The following SPHKAP variants were observed in gnomAD, a reference collection of about 807,000 sequenced individuals.
SPHKAP encodes SPHK1 interactor, AKAP domain containing.
SPHKAP carries 67 observed loss-of-function variants against 137.5 expected under a neutral mutation model. That is an observed-to-expected ratio of 0.49 (90% CI 0.40 to 0.60). SPHKAP has a LOEUF of 0.60. SPHKAP is among the 20% of genes least tolerant of loss of function. The pLI is 0.00. For synonymous variants in SPHKAP, 813 were observed against 785.3 expected, an observed-to-expected ratio of 1.04 and a Z score of -0.59; for missense variants, 2,097 against 2,069.3, an observed-to-expected ratio of 1.01 and a Z score of -0.26.
intron 7 of SPHKAP, among the ~76,000 whole-genome samples, chr2:228,014,937 T>TAA (rs1559346186): frequency 1.1e-4 from 16 of 152,190 alleles, no homozygotes; most frequent in African/African-American, 3.4e-4. Context: ...ATTATTATCA[T>TAA]ACTTTAAGTT....
In SPHKAP at chr2:228,082,732, T is replaced by C. The variant is rs551265700; in HGVS notation, c.246+26100A>G. On this transcript the variant is annotated intron_variant, in intron 3 of 11. Transcript: ENST00000392056. ...TCTTGGCTCCACTATTTACTAGCTGTATGACTCAGTTGCATCATTCAAGTT... is the reference window on the plus strand; with the variant it reads ...TCTTGGCTCCACTATTTACTAGCTGCATGACTCAGTTGCATCATTCAAGTT... 3.3e-5 allele frequency among the ~76,000 whole-genome samples: 5 copies of C among 152,362 alleles called. No homozygotes were observed. In the South Asian group the frequency reaches 8.3e-4, roughly 25 times the overall value.
At chr2:228,152,726 T>A (rs557446339) in intron 1 of SPHKAP, among the ~76,000 whole-genome samples, 2 of 152,104 alleles carry the variant, frequency 1.3e-5, no homozygotes, top group South Asian at 4.2e-4. Context: ...CTTCTTTTTT[T>A]TTTTTAGTAG....
intron 1 of SPHKAP, among the ~76,000 whole-genome samples, chr2:228,146,397 C>G (rs549353552): frequency 4.4e-4 from 67 of 152,294 alleles, no homozygotes; most frequent in African/African-American, 1.6e-3. Flanking sequence ...TAAAAATCCT[C>G]TAGCAAGCTA....
At chr2:228,109,015 T>TC (rs1698432783) in intron 2 of SPHKAP, 76 bp from the exon 3 acceptor site, 1 of 1,020,826 alleles carries the variant, frequency 9.8e-7, no homozygotes, top group African/African-American at 1.7e-5. Context: ...CTCTTTTTTT[T>TC]TTTTCTTATA....
chr2:228,134,804 C>G (rs954876315), intron 1 of SPHKAP, among the ~76,000 whole-genome samples: 68 of 152,274 alleles, frequency 4.5e-4, no homozygotes, highest in African/African-American at 1.5e-3. Context: ...CCAGGCAGCT[C>G]TGATGGGCTA....
chr2:228,107,252 A>G (rs576684807), intron 3 of SPHKAP, among the ~76,000 whole-genome samples: 2 of 152,222 alleles, frequency 1.3e-5, no homozygotes, highest in South Asian at 4.1e-4. Flanking sequence ...TGAATCCATT[A>G]TCTCAGCCCC....
chr2:228,020,243 A>G, intron 6 of SPHKAP, 87 bp from the exon 7 acceptor site: 1 of 1,496,374 alleles, frequency 6.7e-7, no homozygotes, highest in Non-Finnish European at 8.8e-7. Flanking sequence ...CTAAAAATAA[A>G]ACATCAATAA....
intron 3 of SPHKAP, among the ~76,000 whole-genome samples, chr2:228,040,286 C>T (rs920034539): frequency 6.6e-6 from 1 of 152,128 alleles, no homozygotes; most frequent in Admixed American, 6.6e-5. Flanking sequence ...ATTCACAAAG[C>T]GTCTAAAGAA....
chr2:227,996,843 T>C (rs1466423189), intron 7 of SPHKAP, among the ~76,000 whole-genome samples: 1 of 152,220 alleles, frequency 6.6e-6, no homozygotes, highest in Non-Finnish European at 1.5e-5. Flanking sequence ...TTACTTTTAA[T>C]GGCAAAACCC....
chr2:228,028,810 C>T (rs1695165429), intron 3 of SPHKAP, among the ~76,000 whole-genome samples: 1 of 152,128 alleles, frequency 6.6e-6, no homozygotes, highest in Admixed American at 6.5e-5. Context: ...CATAACATGT[C>T]CCTAACAGTA....
rs1198852312 is a variant in SPHKAP at position 228,131,995 on chromosome 2, G to A, written c.123C>T (p.Ile41=). The change falls in exon 2 of 12, where the codon ATC becomes ATT. Residue 41 remains isoleucine, a synonymous_variant. Transcript: ENST00000392056. The part of the protein sequence containing the change: ...GSSGSGPGNS[I]TACKKVLRSN... ...GCAAGGTTACCTTCTTACAGGCTGTGATGGAGTTCCCCGGGCCGCTTCCTG... is the reference window on the plus strand; with the variant it reads ...GCAAGGTTACCTTCTTACAGGCTGTAATGGAGTTCCCCGGGCCGCTTCCTG... The A allele has an allele frequency of 6.2e-7, 1 of 1,614,022 alleles. No homozygotes were observed. The highest frequency in any genetic ancestry group is 2.2e-5 in the East Asian group (1 of 44,862).
intron 3 of SPHKAP, among the ~76,000 whole-genome samples, chr2:228,031,566 C>T (rs575091891): frequency 6.6e-6 from 1 of 152,348 alleles, no homozygotes; most frequent in South Asian, 2.1e-4. Flanking sequence ...GGCAGACTGC[C>T]TCCTTAAGCG....
intron 3 of SPHKAP, among the ~76,000 whole-genome samples, chr2:228,060,405 A>C (rs977057942): frequency 1.3e-5 from 2 of 152,174 alleles, no homozygotes; most frequent in South Asian, 4.1e-4. Flanking sequence ...TTTTTCCCAT[A>C]ATTGCAATAA....
intron 2 of SPHKAP, 133 bp downstream of exon 2, chr2:228,131,847 G>A: frequency 1.4e-6 from 2 of 1,411,500 alleles, no homozygotes; most frequent in East Asian, 2.5e-5. Context: ...GCTTACTTGG[G>A]AAAGCAAACC....
chr2:228,011,054 C>T (rs1392486701), intron 7 of SPHKAP, among the ~76,000 whole-genome samples: 1 of 152,186 alleles, frequency 6.6e-6, no homozygotes, highest in Non-Finnish European at 1.5e-5. Context: ...CTGCCAAGCT[C>T]TCACAGGGTT....
chr2:228,075,637 A>G (rs915772182), intron 3 of SPHKAP, among the ~76,000 whole-genome samples: 2 of 152,210 alleles, frequency 1.3e-5, no homozygotes, highest in African/African-American at 4.8e-5. Flanking sequence ...ATCATTCTTG[A>G]AAATGATGCC....
At chr2:228,166,432 G>T (rs562975253) in intron 1 of SPHKAP, among the ~76,000 whole-genome samples, 1 of 151,894 alleles carries the variant, frequency 6.6e-6, no homozygotes, top group Admixed American at 6.6e-5. Context: ...AGTTTTATGC[G>T]CCCACACATA....
chr2:228,154,316 T>C (rs1438146001), intron 1 of SPHKAP, among the ~76,000 whole-genome samples: 2 of 151,568 alleles, frequency 1.3e-5, no homozygotes, highest in Non-Finnish European at 2.9e-5. Flanking sequence ...TAAAACATTC[T>C]TAACTTGTAA....
intron 3 of SPHKAP, among the ~76,000 whole-genome samples, chr2:228,061,627 G>C (rs1164701616): frequency 6.6e-6 from 1 of 151,666 alleles, no homozygotes; most frequent in Non-Finnish European, 1.5e-5. Context: ...ACCCATTACT[G>C]GGTAAATAGA....
Sources: gnomAD v4.1 joint callset for allele counts (sites outside exome capture counted in the v4.1 genomes callset) on GRCh38, gnomAD v4.1.1 for gene constraint, MANE v1.5 for transcripts, NCBI Gene and HGNC (gene_info 2026-07-23, HGNC 2026-07-21) for gene names.